VPS45: variants seen among roughly 807,000 people sequenced by gnomAD.
The protein encoded by VPS45 is vacuolar protein sorting 45 homolog, also known as vacuolar protein sorting-associated protein 45.
In VPS45, 35 loss-of-function variants were observed where a neutral mutation model predicts 75.9. The ratio of observed to expected loss-of-function variants is 0.46; its 90% CI spans 0.35 to 0.61. The LOEUF is 0.61. Among genes scored for constraint, VPS45 ranks in the 20% least tolerant of loss-of-function variants. The probability of loss-of-function intolerance (pLI) is 0.00; values close to 1 mark genes in which losing one functional copy is unlikely to be tolerated. For missense variants in VPS45, 559 were observed against 685.9 expected (o/e 0.81, Z 2.07); for synonymous variants, 220 against 238.2 (o/e 0.92, Z 0.70).
At chr1:150,094,230 A>G (rs1432608230) in intron 13 of VPS45, among the ~76,000 whole-genome samples, 6 of 151,574 alleles carry the variant, frequency 4.0e-5, no homozygotes, top group African/African-American at 1.5e-4. Flanking sequence ...GAAATTTTAA[A>G]TACTGTATAC....
chr1:150,104,442 C>T (rs1302625116), intron 13 of VPS45, among the ~76,000 whole-genome samples: 2 of 152,114 alleles, frequency 1.3e-5, no homozygotes, highest in African/African-American at 2.4e-5. Flanking sequence ...GGTTCCATAG[C>T]TTTGCTATTG....
intron 13 of VPS45, among the ~76,000 whole-genome samples, chr1:150,106,998 C>T (rs1657362723): frequency 1.3e-5 from 2 of 152,324 alleles, no homozygotes; most frequent in Non-Finnish European, 1.5e-5. Context: ...CTTCTTGAGA[C>T]TCAGTTGGGC....
chr1:150,112,016 T>TC (rs1657676282), intron 14 of VPS45, among the ~76,000 whole-genome samples: 1 of 152,202 alleles, frequency 6.6e-6, no homozygotes, highest in Non-Finnish European at 1.5e-5. Flanking sequence ...AATCCTGATT[T>TC]CCCTCTTACT....
At chr1:150,143,315 C>T (rs1191546219) in intron 14 of VPS45, among the ~76,000 whole-genome samples, 4 of 152,068 alleles carry the variant, frequency 2.6e-5, no homozygotes, top group Admixed American at 1.3e-4. Flanking sequence ...TCTTGCCAGG[C>T]GCAGTGGCTC....
Position 150,072,150 on chromosome 1 carries a change from G to C in VPS45, c.229-16G>C. 2 of 1,601,980 alleles carry C rather than the reference G, an allele frequency of 1.2e-6. No homozygotes were observed. Among genetic ancestry groups the C allele is most frequent in the Non-Finnish European group, 1.7e-6 (2 of 1,173,714 alleles). On this transcript the variant is annotated splice_polypyrimidine_tract_variant and intron_variant, in intron 2 of 14. Coordinates refer to ENST00000644510, the MANE Select transcript of VPS45 (RefSeq NM_007259.5). ...AACTCTCCTCATATTTTGTTTGCTT[G>C]TTCTTCATTTTCTAGGAGAATGTGG...
intron 10 of VPS45, among the ~76,000 whole-genome samples, chr1:150,085,146 A>T (rs982880702): frequency 6.6e-6 from 1 of 152,138 alleles, no homozygotes. Context: ...TGGGCCTAAT[A>T]GAAATGTCCT....
At chr1:150,079,689 G>A (rs1655588569) in intron 7 of VPS45, among the ~76,000 whole-genome samples, 1 of 152,168 alleles carries the variant, frequency 6.6e-6, no homozygotes, top group South Asian at 2.1e-4. Flanking sequence ...TAAGATGACA[G>A]GCGTGAGCCA....
rs781973817 is a variant in VPS45, at chr1:150,092,338, G to C, written c.1300G>C (p.Val434Leu). ...SAVVEYGGKRVRGSDLFSPKD... is the reference protein window; with the variant it reads ...SAVVEYGGKRLRGSDLFSPKD... ...AGTTGTTGAATATGGTGGTAAACGAGTCAGAGGAAGTGACCTCTTCAGCCC... is the reference window on the plus strand; with the variant it reads ...AGTTGTTGAATATGGTGGTAAACGACTCAGAGGAAGTGACCTCTTCAGCCC... The change falls in exon 12 of 15, where the codon GTC becomes CTC. Residue 434 changes from valine (V) to leucine (L), a missense_variant. Transcript: ENST00000644510. 5.0e-6 allele frequency: 8 copies of C among 1,613,992 alleles called. No individual in the cohort carries two copies. In the African/African-American group the frequency reaches 6.7e-5, roughly 13 times the overall value.
At chr1:150,120,969 G>A (rs1401416184) in intron 14 of VPS45, among the ~76,000 whole-genome samples, 3 of 147,416 alleles carry the variant, frequency 2.0e-5, no homozygotes, top group African/African-American at 7.5e-5. Context: ...CTGGGTTCAC[G>A]CCATTCTCCT....
chr1:150,071,322 A>G (rs1317819589), intron 2 of VPS45, among the ~76,000 whole-genome samples: 3 of 152,224 alleles, frequency 2.0e-5, no homozygotes, highest in African/African-American at 7.2e-5. Context: ...TTTTAAAACA[A>G]TGTAATTGTA....
intron 14 of VPS45, among the ~76,000 whole-genome samples, chr1:150,112,596 A>G (rs74127448): frequency 1.3e-5 from 2 of 152,140 alleles, no homozygotes; most frequent in South Asian, 4.1e-4. Context: ...CATTTTTCCA[A>G]TTCTCCAGAC....
chr1:150,093,500 C>T, intron 12 of VPS45, 27 bp from the exon 13 acceptor site: 2 of 1,604,182 alleles, frequency 1.2e-6, no homozygotes, highest in Non-Finnish European at 1.7e-6. Context: ...CCAAAAATGA[C>T]ATAAGAACCA....
At chr1:150,144,607 A>C (rs782440754) in intron 14 of VPS45, 102 bp from the exon 15 acceptor site, 32 of 977,490 alleles carry the variant, frequency 3.3e-5, no homozygotes, top group Non-Finnish European at 4.4e-5. Flanking sequence ...CCTGCCTACT[A>C]TTCATGATAT....
Position 150,092,095 on chromosome 1 carries a change from G to C in VPS45, c.1263G>C (p.Lys421Asn), listed in dbSNP as rs1553802037. 1 of 1,611,374 alleles carries C rather than the reference G, an allele frequency of 6.2e-7. No individual in the cohort carries two copies. Among genetic ancestry groups the C allele is most frequent in the Non-Finnish European group, 8.5e-7 (1 of 1,178,694 alleles). The change falls in exon 11 of 15, where the codon AAG becomes AAC. Residue 421 changes from lysine to asparagine, a missense_variant and splice_region_variant. Lys to Asn is a moderately conservative substitution (Grantham distance 94). Coordinates refer to ENST00000644510, the MANE Select transcript of VPS45 (RefSeq NM_007259.5). ...AAGGTGTTTCTGAGAAGTATCGAAA[G>C]GTAACCAGTTTCCATATTAGCCCAC... ...RNKGVSEKYR[K>N]LVSAVVEYGG...
At chr1:150,144,570 C>A in intron 14 of VPS45, 139 bp from the exon 15 acceptor site, 3 of 704,138 alleles carry the variant, frequency 4.3e-6, no homozygotes, top group East Asian at 5.5e-5. Context: ...TGCTTCCATT[C>A]TATACCCAAA....
chr1:150,083,149 T>G (rs1396733616), intron 10 of VPS45: 1 of 295,276 alleles, frequency 3.4e-6, no homozygotes, highest in African/African-American at 2.2e-5. Context: ...TCAGAAGATC[T>G]AGATTGGAGT....
chr1:150,137,915 CAAA>C (rs61104098), intron 14 of VPS45, among the ~76,000 whole-genome samples: 3 of 92,446 alleles, frequency 3.2e-5, no homozygotes, highest in Non-Finnish European at 3.8e-5. Flanking sequence ...ACTCCGTCTC[CAAA>C]AAAAAAAAAA....
chr1:150,123,351 C>T lies in VPS45; in HGVS notation c.1625+12724C>T, dbSNP rs587721932. Among the ~76,000 whole-genome samples the T allele has an allele frequency of 3.6e-4, 55 of 152,130 alleles. 1 individual carries two copies. In the South Asian group the frequency reaches 7.7e-3, roughly 21 times the overall value. On this transcript the variant is annotated intron_variant, in intron 14 of 14. Coordinates refer to ENST00000644510, the MANE Select transcript of VPS45 (RefSeq NM_007259.5). Reference sequence around the variant, plus strand: ...ACATTTATGTACAAGTTTTTGTGTGCGTTAATAGGGTTTTAAGCAGAGCCA... The same window carrying T: ...ACATTTATGTACAAGTTTTTGTGTGTGTTAATAGGGTTTTAAGCAGAGCCA...
Position 150,082,738 on chromosome 1 carries a change from A to T in VPS45, c.959A>T (p.Gln320Leu), listed in dbSNP as rs1655786469. Residue 320 changes from glutamine (Q) to leucine (L), a missense_variant, in exon 10 of 15, where the codon CAG becomes CTG. Transcript: ENST00000644510. ...DMKAFVENYP[Q>L]FKKMSGTVSK... ...CAGGCGTTTGTTGAGAATTATCCAC[A>T]GTTCAAGAAAATGTCTGGGACTGTT... 4 of 1,613,278 alleles carry T rather than the reference A, an allele frequency of 2.5e-6. No individual in the cohort carries two copies. The highest frequency in any genetic ancestry group is 2.2e-5 in the East Asian group (1 of 44,868).
Sources: allele counts gnomAD v4.1 joint callset (sites outside exome capture counted in the v4.1 genomes callset), GRCh38; gene constraint gnomAD v4.1.1; transcripts MANE v1.5; gene names NCBI Gene and HGNC (gene_info 2026-07-23, HGNC 2026-07-21).